COL5A1: variants seen among roughly 807,000 people sequenced by gnomAD.
COL5A1 encodes collagen type V alpha 1 chain.
A neutral mutation model predicts 263.7 loss-of-function variants in COL5A1; 16 were observed. The observed-to-expected ratio is 0.06, with a 90% CI of 0.04 to 0.09. The LOEUF (loss-of-function observed/expected upper bound fraction) is 0.09. COL5A1 is among the 10% of genes least tolerant of loss of function. The pLI is 1.00. For synonymous variants in COL5A1, 1,012 were observed against 1,004.5 expected (o/e 1.01, Z -0.14); for missense variants, 2,036 against 2,540.5 (o/e 0.80, Z 4.27).
Position 134,844,221 on chromosome 9 carries a change from T to C in COL5A1, c.*1918T>C, listed in dbSNP as rs1386463688. ...TTTCCAAATTTCCCTGGAAAGTAAGTCTCGCTCTTGCCAAAGAAAAGTCTG... is the reference window on the plus strand; with the variant it reads ...TTTCCAAATTTCCCTGGAAAGTAAGCCTCGCTCTTGCCAAAGAAAAGTCTG... On this transcript the variant is annotated 3_prime_UTR_variant, in exon 66 of 66. Transcript: ENST00000371817. The C allele has an allele frequency of 6.6e-6, 1 of 152,624 alleles. No individual in the cohort carries two copies. The highest frequency in any genetic ancestry group is 1.5e-5 in the Non-Finnish European group (1 of 68,032). The allele number at this position is 152,624 out of a possible 1,614,324, so 9.5% of individuals were successfully genotyped here.
At chr9:134,684,896 A>T (rs1464254033) in intron 1 of COL5A1, among the ~76,000 whole-genome samples, 1 of 151,736 alleles carries the variant, frequency 6.6e-6, no homozygotes, top group East Asian at 1.9e-4. Flanking sequence ...CCATCCATCC[A>T]CCATCTATCC....
intron 2 of COL5A1, among the ~76,000 whole-genome samples, chr9:134,695,122 G>A (rs894023991): frequency 6.6e-6 from 1 of 152,142 alleles, no homozygotes; most frequent in Non-Finnish European, 1.5e-5. Context: ...GGTGCTGTGG[G>A]TGGGGTCCTC....
In COL5A1 at chr9:134,758,123, T is replaced by C; in HGVS notation, c.1882-120T>C. 1 of 957,592 alleles carries C rather than the reference T, an allele frequency of 1.0e-6. No individual in the cohort carries two copies. Among genetic ancestry groups the C allele is most frequent in the Non-Finnish European group, 1.7e-6 (1 of 591,176 alleles). 59.3% of individuals were successfully genotyped at this position (957,592 alleles called of 1,614,324 possible). A position where few individuals can be genotyped will look rare whatever the true frequency, so the allele number is the denominator to read the frequency against. On this transcript the variant is annotated intron_variant, in intron 17 of 65. Transcript: ENST00000371817. The surrounding 1 kb of genome is among the most constrained non-coding windows in gnomAD (Gnocchi z 4.1). ...GAGGGCTGGCCGATGGGGTTCAGGG[T>C]GCATAGATGCTGTGTGAAACGTGGT... is the stretch of plus-strand genomic sequence containing the variant.
At chr9:134,773,830 C>T (rs928039889) in intron 26 of COL5A1, among the ~76,000 whole-genome samples, 8 of 152,204 alleles carry the variant, frequency 5.3e-5, no homozygotes, top group Non-Finnish European at 4.4e-5. Flanking sequence ...GTCTGAGATT[C>T]GCCACTTCTG....
At chr9:134,749,804 T>C (rs1418873678) in intron 11 of COL5A1, among the ~76,000 whole-genome samples, 5 of 152,252 alleles carry the variant, frequency 3.3e-5, no homozygotes, top group Admixed American at 3.3e-4. Flanking sequence ...CTGCTTGCTT[T>C]TGTGAAATAG....
intron 32 of COL5A1, among the ~76,000 whole-genome samples, chr9:134,793,095 G>A (rs576231785): frequency 7.7e-4 from 117 of 152,230 alleles, no homozygotes; most frequent in African/African-American, 2.8e-3. Flanking sequence ...GAAGCCAAAG[G>A]AAGAGGAGTG....
chr9:134,810,145 A>C, intron 43 of COL5A1, 110 bp from the exon 44 acceptor site: 1 of 1,203,550 alleles, frequency 8.3e-7, no homozygotes. Flanking sequence ...TTTTAGGGCC[A>C]CCTGGAAAGG....
intron 39 of COL5A1, among the ~76,000 whole-genome samples, chr9:134,803,789 G>C (rs919484817): frequency 6.6e-6 from 1 of 151,934 alleles, no homozygotes; most frequent in African/African-American, 2.4e-5. Flanking sequence ...CTTGCAGTGA[G>C]CCGAGATCGC....
intron 65 of COL5A1, among the ~76,000 whole-genome samples, chr9:134,839,963 T>G (rs1460611054): frequency 6.6e-6 from 1 of 152,222 alleles, no homozygotes; most frequent in African/African-American, 2.4e-5. Context: ...GGCCACAGGG[T>G]GCCGTCTGCC....
At chr9:134,791,427 A>G (rs941640506) in intron 32 of COL5A1, among the ~76,000 whole-genome samples, 1 of 152,216 alleles carries the variant, frequency 6.6e-6, no homozygotes, top group Non-Finnish European at 1.5e-5. Flanking sequence ...CTTTGCCCGC[A>G]TGAGCCTTCA....
chr9:134,670,505 G>T (rs1832508040), intron 1 of COL5A1, among the ~76,000 whole-genome samples: 1 of 152,154 alleles, frequency 6.6e-6, no homozygotes, highest in African/African-American at 2.4e-5. Context: ...TCCTAGAGAG[G>T]CAGTGGGGAG....
In COL5A1 at chr9:134,842,122, C is replaced by G; in HGVS notation, c.5371-35C>G. ...GTAAACCCCAAGACCCCCAACTGTT[C>G]TTAACCACCGGCCATCTGTCTCCCT... On this transcript the variant is annotated intron_variant, in intron 65 of 65. Coordinates refer to ENST00000371817, the MANE Select transcript of COL5A1 (RefSeq NM_000093.5). This position sits in a 1 kb window ranked among gnomAD's most constrained non-coding sequence, Gnocchi z 5.8. The G allele has an allele frequency of 2.5e-6, 4 of 1,613,884 alleles. No individual in the cohort carries two copies. Among genetic ancestry groups the G allele is most frequent in the Non-Finnish European group, 3.4e-6 (4 of 1,179,852 alleles).
At chr9:134,776,661 C>G (rs1229864030) in intron 27 of COL5A1, among the ~76,000 whole-genome samples, 1 of 152,148 alleles carries the variant, frequency 6.6e-6, no homozygotes, top group Admixed American at 6.5e-5. Flanking sequence ...TGAGAGGGGG[C>G]CCGTTATTTT....
intron 50 of COL5A1, 80 bp downstream of exon 50, chr9:134,814,984 T>A: frequency 1.0e-6 from 1 of 993,390 alleles, no homozygotes; most frequent in Non-Finnish European, 1.5e-6. Flanking sequence ...TCACTGGCGG[T>A]GCACTCTGCT....
chr9:134,814,166 GC>G, intron 49 of COL5A1, 130 bp downstream of exon 49: 1 of 913,150 alleles, frequency 1.1e-6, no homozygotes, highest in Non-Finnish European at 1.7e-6. Flanking sequence ...CCCCTCTTGT[GC>G]CCATTTCATG....
intron 13 of COL5A1, among the ~76,000 whole-genome samples, chr9:134,751,321 C>T (rs902074232): frequency 2.0e-5 from 3 of 152,188 alleles, no homozygotes; most frequent in Non-Finnish European, 2.9e-5. Flanking sequence ...TCTAACTTTA[C>T]AAGGGGCTTC....
rs752713722 is a variant in COL5A1 at position 134,830,148 on chromosome 9, G to A, written c.5136+104G>A. On this transcript the variant is annotated intron_variant, in intron 64 of 65. Transcript: ENST00000371817. ...TGGCCCAAAGAGCAGCCTTCCACCT[G>A]GTATAGTCAGTACAAGCGGGGGTCC... is the stretch of plus-strand genomic sequence containing the variant. The A allele has an allele frequency of 3.1e-6, 5 of 1,611,894 alleles. No individual in the cohort carries two copies. In the South Asian group the frequency reaches 5.5e-5, roughly 18 times the overall value.
rs2132691731 is a variant in COL5A1 at position 134,754,699 on chromosome 9, G to T, written c.1827+373G>T. Among the ~76,000 whole-genome samples, 1 of 152,340 alleles carries T rather than the reference G, an allele frequency of 6.6e-6. No homozygotes were observed. Among genetic ancestry groups the T allele is most frequent in the South Asian group, 2.1e-4 (1 of 4,826 alleles). ...CAGAAATGGCCTGATTCGGGGGCAT[G>T]GGCGGGCCTTCCTGCGCCTTACCTG... On this transcript the variant is annotated intron_variant, in intron 16 of 65. Transcript: ENST00000371817. The surrounding 1 kb of genome is among the most constrained non-coding windows in gnomAD (Gnocchi z 4.3).
At position 134,681,234 on chromosome 9, in the gene COL5A1, C is replaced by T. The variant is rs377155909; in HGVS notation, c.110-9678C>T. 9.2e-5 allele frequency among the ~76,000 whole-genome samples: 14 copies of T among 152,282 alleles called. No homozygotes were observed. In the East Asian group the frequency reaches 1.9e-3, roughly 21 times the overall value. On this transcript the variant is annotated intron_variant, in intron 1 of 65. Coordinates refer to ENST00000371817, the MANE Select transcript of COL5A1 (RefSeq NM_000093.5). The surrounding 1 kb of genome is among the most constrained non-coding windows in gnomAD (Gnocchi z 4.3). Reference sequence around the variant, plus strand: ...TGGCTCGATGGCTCGGCCCTCAGCCCGGCCCTTCAAGAACTGTGGCTCTCT... The same window carrying T: ...TGGCTCGATGGCTCGGCCCTCAGCCTGGCCCTTCAAGAACTGTGGCTCTCT...
Sources: gnomAD v4.1 joint callset for allele counts (sites outside exome capture counted in the v4.1 genomes callset) on GRCh38, gnomAD v4.1.1 for gene constraint, Gnocchi (gnomAD v3.1) non-coding constraint, MANE v1.5 for transcripts, NCBI Gene and HGNC (gene_info 2026-07-23, HGNC 2026-07-21) for gene names.